The following CIAO3 variants were observed in gnomAD, a reference collection of about 807,000 sequenced individuals.
CIAO3 encodes the protein cytosolic iron-sulfur assembly component 3.
In CIAO3, 45 loss-of-function variants were observed where a neutral mutation model predicts 51.5. The ratio of observed to expected loss-of-function variants is 0.87; its 90% CI spans 0.69 to 1.12. CIAO3 has a LOEUF of 1.12. Among genes scored for constraint, CIAO3 ranks in the 50% most tolerant of loss-of-function variants. CIAO3 has a pLI of 0.00. For missense variants in CIAO3, 668 were observed against 632.5 expected (o/e 1.06, Z -0.60); for synonymous variants, 314 against 269.3 (o/e 1.17, Z -1.63).
Position 737,220 on chromosome 16 carries a change from T to C in CIAO3, c.272A>G (p.His91Arg). The change falls in exon 3 of 11, where the codon CAC becomes CGC. Residue 91 changes from histidine to arginine, a missense_variant. Coordinates refer to ENST00000251588, the MANE Select transcript of CIAO3 (RefSeq NM_022493.3). This position sits in a 1 kb window ranked among gnomAD's most constrained non-coding sequence, Gnocchi z 5.3. ...ATCTAGAACCTTCTTCAGCTCCTCG[T>C]GGCTCTGCTGGGTGATAAGCACGGT... Reference protein sequence around the residue: ...AETVLITQQSHEELKKVLDAN... With the variant: ...AETVLITQQSREELKKVLDAN... 1.2e-6 allele frequency: 2 copies of C among 1,613,788 alleles called. No individual in the cohort carries two copies. Among genetic ancestry groups the C allele is most frequent in the Non-Finnish European group, 1.7e-6 (2 of 1,180,024 alleles).
chr16:734,224 G>T lies in CIAO3; in HGVS notation c.693+5C>A. The T allele has an allele frequency of 6.2e-7, 1 of 1,610,048 alleles. No homozygotes were observed. ...CTGAGTCTGGGGCTGGCCCAACGCC[G>T]TTACCTGCTGCTGGGCGAAGAAGTC... On this transcript the variant is annotated splice_donor_5th_base_variant and intron_variant, in intron 6 of 10. Transcript: ENST00000251588.
In CIAO3 at chr16:729,999, T is replaced by A. The variant is rs1279866500; in HGVS notation, c.*418A>T. 2.9e-6 allele frequency: 1 copy of A among 339,918 alleles called. No homozygotes were observed. Among genetic ancestry groups the A allele is most frequent in the Non-Finnish European group, 5.5e-6 (1 of 180,708 alleles). 21.1% of individuals were successfully genotyped at this position (339,918 alleles called of 1,614,324 possible). On this transcript the variant is annotated 3_prime_UTR_variant, in exon 11 of 11. Transcript: ENST00000251588. ...CAGGTCCAGCTCTGTCTCCCACCTT[T>A]TGCACAGAGCTTCAAGGGAAGCCTC...
chr16:734,972 C>T (rs942088739), intron 4 of CIAO3, 101 bp from the exon 5 acceptor site: 32 of 1,406,994 alleles, frequency 2.3e-5, no homozygotes, highest in African/African-American at 7.2e-5. Flanking sequence ...GCACGTGTGT[C>T]GCACCTGCTT....
chr16:734,409 C>T (rs2041317110), intron 5 of CIAO3, 62 bp from the exon 6 acceptor site: 2 of 1,228,846 alleles, frequency 1.6e-6, no homozygotes, highest in Non-Finnish European at 2.3e-6. Context: ...CACCCACAGG[C>T]AGCAGCACGA....
chr16:732,630 G>T, intron 7 of CIAO3: 1 of 565,654 alleles, frequency 1.8e-6, no homozygotes, highest in Non-Finnish European at 3.3e-6. Flanking sequence ...CATCCTCTTA[G>T]GCAGTCTGCT....
In CIAO3 at chr16:730,287, A is replaced by G; in HGVS notation, c.*130T>C. 2 of 932,946 alleles carry G rather than the reference A, an allele frequency of 2.1e-6. No individual in the cohort carries two copies. Among genetic ancestry groups the G allele is most frequent in the Non-Finnish European group, 3.3e-6 (2 of 611,550 alleles). The allele number at this position is 932,946 out of a possible 1,614,324, so 57.8% of individuals were successfully genotyped here. ...GCGGCTGCGGGTCCTGGCTAGTCCT[A>G]GCTCCTACTCGGGTCCCAGCACACC... On this transcript the variant is annotated 3_prime_UTR_variant, in exon 11 of 11. Coordinates refer to ENST00000251588, the MANE Select transcript of CIAO3 (RefSeq NM_022493.3).
In CIAO3 at chr16:730,194, C is replaced by T. The variant is rs2041257450; in HGVS notation, c.*223G>A. ...GGGACCTCAGGGAACCTTCTGCTGC[C>T]TGGGCCACCCCACCCCACCTGGGCA... On this transcript the variant is annotated 3_prime_UTR_variant, in exon 11 of 11. Coordinates refer to ENST00000251588, the MANE Select transcript of CIAO3 (RefSeq NM_022493.3). The T allele has an allele frequency of 3.4e-6, 2 of 594,390 alleles. No homozygotes were observed. The highest frequency in any genetic ancestry group is 2.8e-5 in the East Asian group (1 of 35,678). 36.8% of individuals were successfully genotyped at this position (594,390 alleles called of 1,614,324 possible).
At chr16:731,339 G>T in intron 9 of CIAO3, 1 of 651,358 alleles carries the variant, frequency 1.5e-6, no homozygotes, top group Non-Finnish European at 2.5e-6. Context: ...CGGGCTCAGG[G>T]TCACCATCCC....
Position 730,852 on chromosome 16 carries a change from A to G in CIAO3, c.1183T>C (p.Cys395Arg). Residue 395 changes from cysteine (C) to arginine (R), a missense_variant, in exon 10 of 11, where the codon TGC (cysteine) becomes CGC (arginine). By Grantham distance (180) the Cys-to-Arg change is radical. Transcript: ENST00000251588. ...CCCTTGCAGGAGCTACCTGAGGGGC[A>G]GGCCATGACCTCCACGTAGTGGTAG... The part of the protein sequence containing the change: ...CPYHYVEVMA[C>R]PSGCLNGGGQ... 1 of 1,612,718 alleles carries G rather than the reference A, an allele frequency of 6.2e-7. No individual in the cohort carries two copies. The highest frequency in any genetic ancestry group is 8.5e-7 in the Non-Finnish European group (1 of 1,179,950).
rs2041354907 is a variant in CIAO3, at chr16:737,817, C to T, written c.163-488G>A. The T allele has an allele frequency of 8.4e-7, 1 of 1,193,180 alleles. No homozygotes were observed. Among genetic ancestry groups the T allele is most frequent in the Non-Finnish European group, 1.1e-6 (1 of 942,882 alleles). The allele number at this position is 1,193,180 out of a possible 1,614,324, so 73.9% of individuals were successfully genotyped here. The stretch of plus-strand genomic sequence containing the variant: ...CGGTGGGCGGGGCAGAAACAACCGT[C>T]AGACTCGCCAAACAGATGCAGGAAC... On this transcript the variant is annotated intron_variant, in intron 2 of 10. Transcript: ENST00000251588. The surrounding 1 kb of genome is among the most constrained non-coding windows in gnomAD (Gnocchi z 5.3).
rs147538611 is a variant in CIAO3 at position 730,942 on chromosome 16, C to A, written c.1093G>T (p.Ala365Ser). ...EKEGQVLLHF[A>S]MAYGFRNIQN... ...ATGTTGCGGAAGCCGTACGCCATTGCGAAGTGCAGCAGCACCTGGCCCTCC... is the reference window on the plus strand; with the variant it reads ...ATGTTGCGGAAGCCGTACGCCATTGAGAAGTGCAGCAGCACCTGGCCCTCC... The change falls in exon 10 of 11, where the codon GCA becomes TCA. Residue 365 changes from alanine to serine, a missense_variant. Transcript: ENST00000251588. 2.5e-6 allele frequency: 4 copies of A among 1,612,980 alleles called. No homozygotes were observed. Among genetic ancestry groups the A allele is most frequent in the Non-Finnish European group, 3.4e-6 (4 of 1,180,006 alleles).
chr16:736,464 C>A, intron 3 of CIAO3, 66 bp from the exon 4 acceptor site: 1 of 1,598,350 alleles, frequency 6.3e-7, no homozygotes, highest in East Asian at 2.2e-5. Flanking sequence ...TGGCCAGAGC[C>A]GCACGGTGAG....
Position 737,081 on chromosome 16 carries a change from A to G in CIAO3, c.306+105T>C. The stretch of plus-strand genomic sequence containing the variant: ...CCTCAAAAAGGCAGGCGCCACCCGC[A>G]CGACGGACGTCGGCACCACACGAGC... On this transcript the variant is annotated intron_variant, in intron 3 of 10. Coordinates refer to ENST00000251588, the MANE Select transcript of CIAO3 (RefSeq NM_022493.3). This position sits in a 1 kb window ranked among gnomAD's most constrained non-coding sequence, Gnocchi z 5.3. The G allele has an allele frequency of 2.7e-6, 4 of 1,490,272 alleles. No homozygotes were observed. Among genetic ancestry groups the G allele is most frequent in the East Asian group, 4.6e-5 (2 of 43,804 alleles). The allele number at this position is 1,490,272 out of a possible 1,614,324, so 92.3% of individuals were successfully genotyped here.
Position 737,891 on chromosome 16 carries a change from T to C in CIAO3, c.163-562A>G, listed in dbSNP as rs1466148283. The C allele has an allele frequency of 3.4e-6, 4 of 1,180,456 alleles. No homozygotes were observed. In the Admixed American group the frequency reaches 1.5e-4, roughly 45 times the overall value. 73.1% of individuals were successfully genotyped at this position (1,180,456 alleles called of 1,614,324 possible). A position where few individuals can be genotyped will look rare whatever the true frequency, so the allele number is the denominator to read the frequency against. On this transcript the variant is annotated intron_variant, in intron 2 of 10. Transcript: ENST00000251588. This position sits in a 1 kb window ranked among gnomAD's most constrained non-coding sequence, Gnocchi z 5.3. ...CGGGACATGCCTCAGCAACTTTTCT[T>C]ACATGCAAAACGCACCCAGCTCGAG...
intron 7 of CIAO3, 71 bp downstream of exon 7, chr16:733,227 C>T: frequency 2.5e-6 from 4 of 1,581,442 alleles, no homozygotes; most frequent in Non-Finnish European, 3.4e-6. Context: ...TGGGCAGTCG[C>T]CACCTGTGCC....
rs777003954 is a variant in CIAO3 at position 734,779 on chromosome 16, C to A, written c.532G>T (p.Asp178Tyr). 1 of 1,610,774 alleles carries A rather than the reference C, an allele frequency of 6.2e-7. No homozygotes were observed. The highest frequency in any genetic ancestry group is 8.5e-7 in the Non-Finnish European group (1 of 1,178,276). The change falls in exon 5 of 11, where the codon GAC becomes TAC. Residue 178 changes from aspartate to tyrosine, a missense_variant. Coordinates refer to ENST00000251588, the MANE Select transcript of CIAO3 (RefSeq NM_022493.3). ...AGCAGGGGCAGCGCCTGTCTGCAGTCGGCCTGTCCTCGGAATCGCCGCACA... is the reference window on the plus strand; with the variant it reads ...AGCAGGGGCAGCGCCTGTCTGCAGTAGGCCTGTCCTCGGAATCGCCGCACA... ...EFVRRFRGQA[D>Y]CRQALPLLAS...
Position 737,515 on chromosome 16 carries a change from T to G in CIAO3, c.163-186A>C. 1 of 1,520,816 alleles carries G rather than the reference T, an allele frequency of 6.6e-7. No homozygotes were observed. The highest frequency in any genetic ancestry group is 2.0e-5 in the Admixed American group (1 of 49,964). 94.2% of individuals were successfully genotyped at this position (1,520,816 alleles called of 1,614,324 possible). A position where few individuals can be genotyped will look rare whatever the true frequency, so the allele number is the denominator to read the frequency against. On this transcript the variant is annotated intron_variant, in intron 2 of 10. Coordinates refer to ENST00000251588, the MANE Select transcript of CIAO3 (RefSeq NM_022493.3). The surrounding 1 kb of genome is among the most constrained non-coding windows in gnomAD (Gnocchi z 5.3). ...ACACGCACGCTCTACAGTTTCATAA[T>G]GCCGTCAAGTCTGCTTCTTGGTACC...
At position 732,535 on chromosome 16, in the gene CIAO3, T is replaced by A. The variant is rs554289512; in HGVS notation, c.824-162A>T. 1.5e-3 allele frequency: 1,218 copies of A among 792,868 alleles called. 19 individuals are homozygous for A. The South Asian group carries it at 0.017, about 11-fold the overall frequency. The allele number at this position is 792,868 out of a possible 1,614,324, so 49.1% of individuals were successfully genotyped here. A position where few individuals can be genotyped will look rare whatever the true frequency, so the allele number is the denominator to read the frequency against. ...TGGGGAGGCCAGGCCCGGTCACTCC[T>A]GAAGCCCCTCTGGAGGCTGCCTGGT... On this transcript the variant is annotated intron_variant, in intron 7 of 10. Transcript: ENST00000251588.
At chr16:735,121 A>C in intron 4 of CIAO3, 1 of 466,478 alleles carries the variant, frequency 2.1e-6, no homozygotes, top group South Asian at 4.0e-5. Context: ...TTCCCACCCC[A>C]GAGGCAGCCA....
Sources: gnomAD v4.1 joint callset for allele counts on GRCh38, gnomAD v4.1.1 for gene constraint, Gnocchi (gnomAD v3.1) non-coding constraint, MANE v1.5 for transcripts, NCBI Gene and HGNC (gene_info 2026-07-23, HGNC 2026-07-21) for gene names.